Variants in PPP1R13B observed in about 807,000 individuals in gnomAD.
PPP1R13B encodes the protein protein phosphatase 1 regulatory subunit 13B.
In PPP1R13B, 44 loss-of-function variants were observed where a neutral mutation model predicts 119.8. That is an observed-to-expected ratio of 0.37 (90% CI 0.29 to 0.47). The LOEUF (loss-of-function observed/expected upper bound fraction) is 0.47. Ranked by LOEUF, PPP1R13B falls within the 20% of genes least tolerant of loss-of-function variation. The pLI is 0.99. For missense variants in PPP1R13B, 1,227 were observed against 1,413.5 expected, an observed-to-expected ratio of 0.87 and a Z score of 2.12; for synonymous variants, 542 against 561.5, an observed-to-expected ratio of 0.97 and a Z score of 0.49.
At chr14:103,820,294 CAGAAG>C (rs2086377250) in intron 1 of PPP1R13B, among the ~76,000 whole-genome samples, 1 of 152,196 alleles carries the variant, frequency 6.6e-6, no homozygotes, top group South Asian at 2.1e-4. Context: ...GCTCTGGCCA[CAGAAG>C]AGGAGAGAAA....
intron 1 of PPP1R13B, among the ~76,000 whole-genome samples, chr14:103,799,598 C>A (rs907139156): frequency 3.3e-5 from 5 of 150,426 alleles, no homozygotes; most frequent in Admixed American, 2.7e-4. Context: ...TAGGCGTGAG[C>A]CACTGTGCCG....
chr14:103,750,695 G>T (rs1265728013), intron 7 of PPP1R13B, among the ~76,000 whole-genome samples: 1 of 151,998 alleles, frequency 6.6e-6, no homozygotes, highest in Non-Finnish European at 1.5e-5. Context: ...GCCAGGTGTG[G>T]TGGCATGTGC....
chr14:103,735,582 C>T (rs1003700194), intron 16 of PPP1R13B, among the ~76,000 whole-genome samples: 1 of 152,238 alleles, frequency 6.6e-6, no homozygotes, highest in Non-Finnish European at 1.5e-5. Context: ...GCAGCTCCCT[C>T]TGCCAGAGGA....
At chr14:103,833,826 T>A (rs1292927770) in intron 1 of PPP1R13B, among the ~76,000 whole-genome samples, 4 of 152,122 alleles carry the variant, frequency 2.6e-5, no homozygotes, top group Non-Finnish European at 5.9e-5. Flanking sequence ...TCCTGACTTT[T>A]ATCTTTTGGA....
intron 4 of PPP1R13B, among the ~76,000 whole-genome samples, chr14:103,771,732 T>C (rs1490823886): frequency 6.6e-6 from 1 of 152,088 alleles, no homozygotes; most frequent in Non-Finnish European, 1.5e-5. Flanking sequence ...CCACCCACCT[T>C]GGCCTCCCAA....
chr14:103,750,843 A>G (rs1297938387), intron 7 of PPP1R13B, among the ~76,000 whole-genome samples: 1 of 149,036 alleles, frequency 6.7e-6, no homozygotes, highest in Non-Finnish European at 1.5e-5. Context: ...AAAACAAACA[A>G]ACAAAAAACA....
At chr14:103,750,845 C>T (rs2084525036) in intron 7 of PPP1R13B, among the ~76,000 whole-genome samples, 1 of 147,666 alleles carries the variant, frequency 6.8e-6, no homozygotes, top group Non-Finnish European at 1.5e-5. Flanking sequence ...AACAAACAAA[C>T]AAAAAACAAC....
At chr14:103,788,969 A>C (rs772989241) in intron 2 of PPP1R13B, among the ~76,000 whole-genome samples, 11 of 152,112 alleles carry the variant, frequency 7.2e-5, no homozygotes, top group Admixed American at 6.6e-5. Context: ...AGAGTATTGC[A>C]GGGAGGAGAG....
intron 1 of PPP1R13B, among the ~76,000 whole-genome samples, chr14:103,798,118 G>C (rs1205098047): frequency 6.7e-6 from 1 of 150,020 alleles, no homozygotes; most frequent in African/African-American, 2.4e-5. Flanking sequence ...TTTTTAAAAA[G>C]ACTGATATTC....
intron 1 of PPP1R13B, among the ~76,000 whole-genome samples, chr14:103,834,578 T>C (rs10142736): frequency 1.4e-5 from 2 of 147,536 alleles, no homozygotes; most frequent in African/African-American, 5.1e-5. Flanking sequence ...TAAATTTTAA[T>C]GTCTTTTTTT....
intron 4 of PPP1R13B, among the ~76,000 whole-genome samples, chr14:103,766,736 T>C (rs1306053709): frequency 1.3e-5 from 2 of 152,160 alleles, no homozygotes; most frequent in African/African-American, 2.4e-5. Flanking sequence ...GCCTCCCAAG[T>C]AGCTGGCACT....
chr14:103,847,586 C>A (rs913145362), upstream of PPP1R13B: 45 of 986,356 alleles, frequency 4.6e-5, no homozygotes, highest in East Asian at 9.1e-4. Flanking sequence ...GCGGCCCGCC[C>A]GCCCGGCTCG....
intron 1 of PPP1R13B, among the ~76,000 whole-genome samples, chr14:103,846,465 A>T (rs1236025301): frequency 6.6e-6 from 1 of 152,246 alleles, no homozygotes; most frequent in East Asian, 1.9e-4. Flanking sequence ...AACGTGTTTG[A>T]GAATTTTACT....
Position 103,740,798 on chromosome 14 carries a change from A to C in PPP1R13B, c.1823-205T>G, listed in dbSNP as rs1437783662. Among the ~76,000 whole-genome samples, 1 of 152,212 alleles carries C rather than the reference A, an allele frequency of 6.6e-6. No individual in the cohort carries two copies. The highest frequency in any genetic ancestry group is 6.5e-5 in the Admixed American group (1 of 15,280). Reference sequence around the variant, plus strand: ...CTTCTGAAAGGTGCAGTGCCTCTCTAATGTGTCGGTTTTTACATTTGGGTT... The same window carrying C: ...CTTCTGAAAGGTGCAGTGCCTCTCTCATGTGTCGGTTTTTACATTTGGGTT... On this transcript the variant is annotated intron_variant, in intron 11 of 16. Transcript: ENST00000202556. This position sits in a 1 kb window ranked among gnomAD's most constrained non-coding sequence, Gnocchi z 4.6.
At chr14:103,753,273 A>C in intron 6 of PPP1R13B, 77 bp from the exon 7 acceptor site, 3 of 1,393,630 alleles carry the variant, frequency 2.2e-6, no homozygotes, top group Non-Finnish European at 2.9e-6. Flanking sequence ...CACTGAACTT[A>C]ATTCTAGTAT....
chr14:103,847,673 G>A (rs2087094426), upstream of PPP1R13B: 3 of 955,224 alleles, frequency 3.1e-6, no homozygotes, highest in Non-Finnish European at 3.7e-6. Flanking sequence ...TTGGCCCGGT[G>A]GGAGCGGGGG....
At chr14:103,847,046 T>C (rs1166307318) in intron 1 of PPP1R13B, 2 of 1,035,856 alleles carry the variant, frequency 1.9e-6, no homozygotes, top group Non-Finnish European at 2.3e-6. Context: ...CAAATGCATC[T>C]GCTTCTCCCC....
At chr14:103,771,535 C>T (rs1009741992) in intron 4 of PPP1R13B, among the ~76,000 whole-genome samples, 2 of 135,942 alleles carry the variant, frequency 1.5e-5, no homozygotes, top group East Asian at 2.2e-4. Context: ...GGCTGGAGTG[C>T]GATGGCGTGA....
chr14:103,740,265 G>A lies in PPP1R13B; in HGVS notation c.2151C>T (p.Pro717=), dbSNP rs772646846. ...KRSSITEPEG[P]GGPNIQKLLY... ...GCAGCTTCTGGATGTTGGGCCCGCC[G>A]GGGCCCTCGGGCTCTGTGATGGAGC... The change falls in exon 12 of 17, where the codon CCC becomes CCT. Residue 717 remains proline, a synonymous_variant. Transcript: ENST00000202556. The surrounding 1 kb of genome is among the most constrained non-coding windows in gnomAD (Gnocchi z 4.6). 3.5e-5 allele frequency: 56 copies of A among 1,602,868 alleles called. No homozygotes were observed. The Middle Eastern group carries it at 1.0e-3, about 29-fold the overall frequency.
Sources: gnomAD v4.1 joint callset for allele counts (sites outside exome capture counted in the v4.1 genomes callset) on GRCh38, gnomAD v4.1.1 for gene constraint, Gnocchi (gnomAD v3.1) non-coding constraint, MANE v1.5 for transcripts, NCBI Gene and HGNC (gene_info 2026-07-23, HGNC 2026-07-21) for gene names.